CDH3: variants seen among roughly 807,000 people sequenced by gnomAD.
The protein encoded by CDH3 is cadherin 3, also known as cadherin-3.
Under a neutral mutation model 82.0 loss-of-function variants are expected in CDH3, and 54 were observed. That is an observed-to-expected ratio of 0.66 (90% confidence interval 0.53 to 0.83). CDH3 has a LOEUF of 0.83. Ranked by LOEUF, CDH3 falls within the 40% of genes least tolerant of loss-of-function variation. CDH3 has a pLI of 0.00. For missense variants in CDH3, 1,054 were observed against 1,084.6 expected (o/e 0.97, Z 0.40); for synonymous variants, 446 against 437.9 (o/e 1.02, Z -0.23).
At chr16:68,670,912 A>C (rs933442169) in intron 2 of CDH3, among the ~76,000 whole-genome samples, 2 of 152,064 alleles carry the variant, frequency 1.3e-5, no homozygotes, top group Non-Finnish European at 2.9e-5. Flanking sequence ...GTCTCTACTA[A>C]GAATACAAAA....
In CDH3 at chr16:68,681,062, C is replaced by T. The variant is rs1961212971; in HGVS notation, c.962C>T (p.Ala321Val). The change falls in exon 8 of 16, where the codon GCC (alanine) becomes GTC (valine). Residue 321 changes from alanine to valine, a missense_variant. Ala to Val is a moderately conservative substitution (Grantham distance 64, BLOSUM62 0). Transcript: ENST00000264012. ...GTGGCAGTAGTGGAGATCCTTGATG[C>T]CAATGACAATGCTCCCATGTTTGAC... is the stretch of plus-strand genomic sequence containing the variant. ...TAVAVVEILD[A>V]NDNAPMFDPQ... 6.2e-7 allele frequency: 1 copy of T among 1,614,010 alleles called. No individual in the cohort carries two copies. The highest frequency in any genetic ancestry group is 1.1e-5 in the South Asian group (1 of 91,082).
intron 11 of CDH3, among the ~76,000 whole-genome samples, chr16:68,685,600 G>A (rs756819146): frequency 2.0e-5 from 3 of 152,188 alleles, no homozygotes; most frequent in Non-Finnish European, 2.9e-5. Flanking sequence ...GAGGTCGGGG[G>A]TTCGAGACCA....
chr16:68,715,164 G>A (rs1036065659), intron 1 of CDH3, among the ~76,000 whole-genome samples: 5 of 152,014 alleles, frequency 3.3e-5, no homozygotes, highest in Non-Finnish European at 5.9e-5. Flanking sequence ...CATGACTCAC[G>A]CCTGTAATCC....
chr16:68,713,070 C>T (rs1435857320), intron 1 of CDH3, among the ~76,000 whole-genome samples: 1 of 152,090 alleles, frequency 6.6e-6, no homozygotes, highest in African/African-American at 2.4e-5. Context: ...ATCTCCCCGC[C>T]CTTCTGTCCC....
intron 1 of CDH3, among the ~76,000 whole-genome samples, chr16:68,709,215 A>G (rs1249471114): frequency 6.6e-6 from 1 of 152,094 alleles, no homozygotes; most frequent in Non-Finnish European, 1.5e-5. Flanking sequence ...AGCTGGGACT[A>G]CAGGTGTGTA....
chr16:68,705,300 C>A (rs1182914428), intron 1 of CDH3, among the ~76,000 whole-genome samples: 2 of 152,122 alleles, frequency 1.3e-5, no homozygotes, highest in Non-Finnish European at 2.9e-5. Context: ...ACTCTGTAGC[C>A]CTGAAGCACA....
intron 14 of CDH3, 79 bp from the exon 15 acceptor site, chr16:68,695,698 G>T: frequency 1.3e-6 from 2 of 1,501,958 alleles, no homozygotes; most frequent in Admixed American, 3.3e-5. Context: ...AAGGGTAGGG[G>T]GTGTGGGGTG....
At chr16:68,653,492 C>T (rs892501568) in intron 2 of CDH3, among the ~76,000 whole-genome samples, 2 of 152,096 alleles carry the variant, frequency 1.3e-5, no homozygotes, top group Admixed American at 1.3e-4. Flanking sequence ...CTACCTCGGC[C>T]TCCCAAAGTG....
Position 68,695,391 on chromosome 16 carries a change from G to A in CDH3, c.2133+6G>A. ...GGGGTGGCGAAGAGGACCAGGTGGG[G>A]CACTGGGGGCTCTGGGATTGGGAGG... On this transcript the variant is annotated splice_donor_region_variant and intron_variant, in intron 14 of 15. Coordinates refer to ENST00000264012, the MANE Select transcript of CDH3 (RefSeq NM_001793.6). The A allele has an allele frequency of 6.2e-7, 1 of 1,605,026 alleles. No individual in the cohort carries two copies.
chr16:68,659,833 A>G (rs1202771419), intron 2 of CDH3, among the ~76,000 whole-genome samples: 2 of 147,834 alleles, frequency 1.4e-5, no homozygotes, highest in South Asian at 4.2e-4. Flanking sequence ...CAAAAAACTT[A>G]TGTATGCATA....
downstream of CDH3, among the ~76,000 whole-genome samples, chr16:68,701,976 A>G (rs1384270131): frequency 2.0e-5 from 3 of 151,896 alleles, no homozygotes; most frequent in African/African-American, 7.2e-5. Flanking sequence ...GTGAACCAAG[A>G]TTGTGCCATT....
intron 1 of CDH3, among the ~76,000 whole-genome samples, chr16:68,708,724 A>C (rs1961993971): frequency 6.7e-6 from 1 of 148,320 alleles, no homozygotes; most frequent in African/African-American, 2.5e-5. Context: ...GCTCACTGAA[A>C]CCTCCACCTC....
At chr16:68,663,455 C>G (rs1371045248) in intron 2 of CDH3, among the ~76,000 whole-genome samples, 7 of 148,992 alleles carry the variant, frequency 4.7e-5, no homozygotes, top group South Asian at 4.3e-4. Context: ...AGGATGGTCT[C>G]GATCTCCTGA....
chr16:68,703,009 T>C (rs1961915745), downstream of CDH3, among the ~76,000 whole-genome samples: 1 of 152,064 alleles, frequency 6.6e-6, no homozygotes, highest in East Asian at 1.9e-4. Flanking sequence ...TCCCTGACAT[T>C]TTACAGATGG....
At chr16:68,679,706 A>AAAAAAAAAAAAAAAC (rs1961151463) in intron 6 of CDH3, 93 bp from the exon 7 acceptor site, 1 of 735,672 alleles carries the variant, frequency 1.4e-6, no homozygotes, top group African/African-American at 1.8e-5. Flanking sequence ...AAAAAAAAAA[A>AAAAAAAAAAAAAAAC]AAAAAAAAAA....
At chr16:68,660,828 A>G (rs1336215934) in intron 2 of CDH3, among the ~76,000 whole-genome samples, 3 of 152,114 alleles carry the variant, frequency 2.0e-5, no homozygotes, top group South Asian at 2.1e-4. Context: ...GCGTAGTGGC[A>G]GGCGCCTGTA....
chr16:68,731,037 AAAAAAAAAAAATATATAT>A (rs1466871138), downstream of CDH3, among the ~76,000 whole-genome samples: 2 of 32,704 alleles, frequency 6.1e-5, no homozygotes, highest in Non-Finnish European at 1.6e-4. Flanking sequence ...AAAAAAAAAA[AAAAAAAAAAAATATATAT>A]ATATATATAT....
chr16:68,656,649 C>T (rs774058619), intron 2 of CDH3, among the ~76,000 whole-genome samples: 9 of 152,190 alleles, frequency 5.9e-5, no homozygotes, highest in Non-Finnish European at 1.0e-4. Context: ...ATTTTGAACA[C>T]AGGTGTGACC....
At chr16:68,725,586 G>A (rs539899474) in intron 2 of CDH3, among the ~76,000 whole-genome samples, 4 of 152,076 alleles carry the variant, frequency 2.6e-5, no homozygotes, top group Admixed American at 2.6e-4. Context: ...ACCCGCCTTG[G>A]CCTCCCAAAG....
Sources: allele counts gnomAD v4.1 joint callset (sites outside exome capture counted in the v4.1 genomes callset), GRCh38; gene constraint gnomAD v4.1.1; transcripts MANE v1.5; gene names NCBI Gene and HGNC (gene_info 2026-07-23, HGNC 2026-07-21).